Variants in CASK observed in about 807,000 individuals in gnomAD.
CASK encodes calcium/calmodulin dependent serine protein kinase.
In CASK, 4 loss-of-function variants were observed where a neutral mutation model predicts 82.9. The observed-to-expected ratio is 0.05, with a 90% CI of 0.02 to 0.11. The LOEUF (loss-of-function observed/expected upper bound fraction) is 0.11, where lower values mean the gene tolerates loss of function less well. Among genes scored for constraint, CASK ranks in the 10% least tolerant of loss-of-function variants. CASK has a pLI of 1.00. For missense variants in CASK, 358 were observed against 720.9 expected (o/e 0.50, Z 5.76); for synonymous variants, 259 against 253.5 (o/e 1.02, Z -0.20).
intron 5 of CASK, among the ~76,000 whole-genome samples, chrX:41,708,793 A>G (rs750655627): frequency 8.9e-6 from 1 of 111,888 alleles, no homozygotes; most frequent in Non-Finnish European, 1.9e-5. Flanking sequence ...AGGCACTATT[A>G]AAAAAGTGAC....
chrX:41,639,638 A>C (rs767267424), intron 8 of CASK, among the ~76,000 whole-genome samples: 1 of 111,219 alleles, frequency 9.0e-6, no homozygotes, highest in Non-Finnish European at 1.9e-5. Context: ...TAAAATGTAC[A>C]ATTTGATAAG....
intron 2 of CASK, among the ~76,000 whole-genome samples, chrX:41,843,137 C>T (rs1166509960): frequency 1.8e-5 from 2 of 111,839 alleles, no homozygotes; most frequent in Non-Finnish European, 3.8e-5. Flanking sequence ...TCTTCCTTTT[C>T]AATCTGGATG....
At chrX:41,770,312 CT>C (rs1189700705) in intron 3 of CASK, among the ~76,000 whole-genome samples, 116 of 95,923 alleles carry the variant, frequency 1.2e-3, no homozygotes, top group African/African-American at 2.9e-3. Context: ...ACCTACCTAC[CT>C]ATCCATCCAT....
Position 41,785,164 on chromosome X carries a change from GCCCA to G in CASK, c.278+2010_278+2013del, listed in dbSNP as rs764446716. ...TGGGACTACAGGCGTGTGCCACCAT[GCCCA>G]CCTAGTTTTTGTATTTTTTGTAGAG... On this transcript the variant is annotated intron_variant, in intron 3 of 26. Transcript: ENST00000378163. Among the ~76,000 whole-genome samples the G allele has an allele frequency of 1.3e-4, 14 of 108,805 alleles. No homozygotes were observed. In the South Asian group the frequency reaches 5.8e-3, roughly 45 times the overall value. 94.5% of individuals were successfully genotyped at this position (108,805 alleles called of 115,157 possible). A position where few individuals can be genotyped will look rare whatever the true frequency, so the allele number is the denominator to read the frequency against.
At position 41,696,521 on chromosome X, in the gene CASK, A is replaced by G. The variant is rs138580045; in HGVS notation, c.430-24991T>C. 2.7e-3 allele frequency: 3,273 copies of G among 1,206,888 alleles called. 11 individuals carry two copies. The highest frequency in any genetic ancestry group is 0.013 in the Middle Eastern group (58 of 4,345). On this transcript the variant is annotated intron_variant, in intron 5 of 26. Transcript: ENST00000378163. ...TCTACATTTCTTCACAGCTAAATGT[A>G]TCATCTTGCTACTGGAAAGAAATTG...
At position 41,832,610 on chromosome X, in the gene CASK, CACTG is replaced by C. The variant is rs763709262; in HGVS notation, c.172+20501_172+20504del. Among the ~76,000 whole-genome samples, 869 of 112,531 alleles carry C rather than the reference CACTG, an allele frequency of 7.7e-3. 5 individuals are homozygous for C. The highest frequency in any genetic ancestry group is 0.012 in the Non-Finnish European group (625 of 53,313). ...TTATATTCTATAAAGTCAACACAAACACTGACTGAGGAAACACAGAAACACTGTT... is the reference window on the plus strand; with the variant it reads ...TTATATTCTATAAAGTCAACACAAACACTGAGGAAACACAGAAACACTGTT... On this transcript the variant is annotated intron_variant, in intron 2 of 26. Coordinates refer to ENST00000378163, the MANE Select transcript of CASK (RefSeq NM_001367721.1).
chrX:41,780,379 C>G (rs769013324), intron 3 of CASK, among the ~76,000 whole-genome samples: 5 of 111,567 alleles, frequency 4.5e-5, no homozygotes, highest in Non-Finnish European at 9.4e-5. Context: ...GATGATATAG[C>G]CTTTATGTTG....
chrX:41,767,492 A>G (rs2069140524), intron 3 of CASK, among the ~76,000 whole-genome samples: 1 of 111,937 alleles, frequency 8.9e-6, no homozygotes, highest in Admixed American at 9.5e-5. Flanking sequence ...ACTCTGGTAC[A>G]TTACTATTAA....
intron 14 of CASK, chrX:41,584,215 A>G (rs1338657197): frequency 8.9e-6 from 1 of 112,929 alleles, no homozygotes; most frequent in Non-Finnish European, 1.9e-5. Flanking sequence ...TAGGTATCAG[A>G]TAACATCTAT....
chrX:41,872,105 G>A (rs185625873), intron 1 of CASK, among the ~76,000 whole-genome samples: 23 of 112,562 alleles, frequency 2.0e-4, no homozygotes, highest in Admixed American at 9.3e-4. Flanking sequence ...ATTCGCTTAC[G>A]CGTTGTGTAT....
At chrX:41,545,248 G>GT (rs2065006615) in intron 21 of CASK, among the ~76,000 whole-genome samples, 2 of 111,886 alleles carry the variant, frequency 1.8e-5, no homozygotes, top group Non-Finnish European at 3.8e-5. Context: ...GGCTGGTCTT[G>GT]AACTCCTGCT....
chrX:41,647,578 A>G (rs976230285), intron 8 of CASK, among the ~76,000 whole-genome samples: 18 of 111,633 alleles, frequency 1.6e-4, no homozygotes, highest in African/African-American at 5.9e-4. Flanking sequence ...GAGAGAACGA[A>G]CAAGCCTTCA....
chrX:41,530,887 T>C, intron 25 of CASK, 120 bp downstream of exon 25: 1 of 662,803 alleles, frequency 1.5e-6, no homozygotes, highest in Non-Finnish European at 2.4e-6. Flanking sequence ...ACTGATACTT[T>C]TCTGTGGTTT....
intron 5 of CASK, among the ~76,000 whole-genome samples, chrX:41,707,254 G>C (rs907038253): frequency 1.8e-5 from 2 of 111,981 alleles, no homozygotes; most frequent in African/African-American, 6.5e-5. Context: ...TTCCAGTTTT[G>C]CCCTCTTGGA....
chrX:41,760,184 A>G (rs1330907577), intron 3 of CASK, among the ~76,000 whole-genome samples: 6 of 112,337 alleles, frequency 5.3e-5, no homozygotes, highest in Non-Finnish European at 1.1e-4. Flanking sequence ...AGCTTCTACC[A>G]TGTAGGAACT....
At chrX:41,538,819 T>C (rs1357007073) in intron 22 of CASK, among the ~76,000 whole-genome samples, 2 of 111,860 alleles carry the variant, frequency 1.8e-5, no homozygotes, top group African/African-American at 6.5e-5. Flanking sequence ...CAAAAGAGCA[T>C]TGCACACTGG....
At chrX:41,801,630 C>T (rs984153344) in intron 2 of CASK, among the ~76,000 whole-genome samples, 1 of 111,614 alleles carries the variant, frequency 9.0e-6, no homozygotes, top group Non-Finnish European at 1.9e-5. Flanking sequence ...ATAGGAAGCA[C>T]CAGGTATCTT....
intron 5 of CASK, chrX:41,729,615 G>A (rs2068335698): frequency 9.3e-6 from 1 of 107,287 alleles, no homozygotes; most frequent in Non-Finnish European, 2.0e-5. Flanking sequence ...CTACTTGGGA[G>A]GCTGAGGCAG....
chrX:41,586,880 T>C, intron 14 of CASK, 27 bp downstream of exon 14: 2 of 975,575 alleles, frequency 2.1e-6, no homozygotes, highest in Non-Finnish European at 2.9e-6. Flanking sequence ...GAGGTTTCAG[T>C]TCTATGGAAG....
Sources: gnomAD v4.1 joint callset for allele counts (sites outside exome capture counted in the v4.1 genomes callset) on GRCh38, gnomAD v4.1.1 for gene constraint, MANE v1.5 for transcripts, NCBI Gene and HGNC (gene_info 2026-07-23, HGNC 2026-07-21) for gene names.